Variants in GUCD1 observed in about 807,000 individuals in gnomAD.
GUCD1 encodes the protein protein GUCD1.
Under a neutral mutation model 28.3 loss-of-function variants are expected in GUCD1, and 17 were observed. The ratio of observed to expected loss-of-function variants is 0.60; its 90% CI spans 0.41 to 0.90. The LOEUF is 0.90. GUCD1 is among the 40% of genes least tolerant of loss of function. The pLI is 0.00. For missense variants in GUCD1, 279 were observed against 305.5 expected (o/e 0.91, Z 0.65); for synonymous variants, 129 against 123.3 (o/e 1.05, Z -0.30).
chr22:24,551,919 C>T (rs1262072572), intron 1 of GUCD1, among the ~76,000 whole-genome samples: 1 of 152,226 alleles, frequency 6.6e-6, no homozygotes, highest in Non-Finnish European at 1.5e-5. Context: ...AGAAGTGTGG[C>T]CTTTTGTGAA....
At position 24,546,895 on chromosome 22, in the gene GUCD1, G is replaced by A. The variant is rs368114821; in HGVS notation, c.386+19C>T. 5 of 1,608,350 alleles carry A rather than the reference G, an allele frequency of 3.1e-6. No homozygotes were observed. The African/African-American group carries it at 5.3e-5, about 17-fold the overall frequency. On this transcript the variant is annotated intron_variant, in intron 4 of 5. Coordinates refer to ENST00000435822, the MANE Select transcript of GUCD1 (RefSeq NM_001284254.2). ...GCAGGCATGAGAGGAAGGGCAGGTA[G>A]GAAAGTTGGGGGGCTCACCATTTCT...
chr22:24,544,743 G>A (rs2044681869), intron 4 of GUCD1, among the ~76,000 whole-genome samples: 1 of 152,198 alleles, frequency 6.6e-6, no homozygotes, highest in Admixed American at 6.5e-5. Flanking sequence ...TGGGCACAGT[G>A]GCTCACACCT....
Position 24,548,075 on chromosome 22 carries a change from T to G in GUCD1, c.129-2A>C. 6.2e-7 allele frequency: 1 copy of G among 1,613,364 alleles called. No individual in the cohort carries two copies. The highest frequency in any genetic ancestry group is 8.5e-7 in the Non-Finnish European group (1 of 1,179,616). ...CTGTCGTCCAGCTGGCCCAGGTACC[T>G]GCAGGTAGACGAGCTGGGGAGCTCA... On this transcript the variant is annotated splice_acceptor_variant, in intron 2 of 5. Coordinates refer to ENST00000435822, the MANE Select transcript of GUCD1 (RefSeq NM_001284254.2). LOFTEE classifies it high-confidence loss of function.
At chr22:24,548,727 G>C (rs926981966) in intron 2 of GUCD1, among the ~76,000 whole-genome samples, 190 bp downstream of exon 2, 1 of 152,214 alleles carries the variant, frequency 6.6e-6, no homozygotes, top group African/African-American at 2.4e-5. Context: ...CTATCATGGA[G>C]AGCTGGAAGG....
At chr22:24,552,869 A>G (rs967820959) in intron 1 of GUCD1, among the ~76,000 whole-genome samples, 2 of 152,082 alleles carry the variant, frequency 1.3e-5, no homozygotes, top group African/African-American at 4.8e-5. Context: ...GTGTGACCAG[A>G]GCTCACTGCA....
chr22:24,549,112 G>C, intron 1 of GUCD1, 111 bp from the exon 2 acceptor site: 1 of 679,112 alleles, frequency 1.5e-6, no homozygotes, highest in African/African-American at 1.8e-5. Context: ...GGGCTGCTCA[G>C]GGACCTTCCC....
chr22:24,554,872 A>G lies in GUCD1; in HGVS notation c.43+77T>C. 4 of 1,219,472 alleles carry G rather than the reference A, an allele frequency of 3.3e-6. 1 individual carries two copies. In the South Asian group the frequency reaches 5.0e-5, roughly 15 times the overall value. The allele number at this position is 1,219,472 out of a possible 1,614,324, so 75.5% of individuals were successfully genotyped here. A position where few individuals can be genotyped will look rare whatever the true frequency, so the allele number is the denominator to read the frequency against. On this transcript the variant is annotated intron_variant, in intron 1 of 5. Coordinates refer to ENST00000435822, the MANE Select transcript of GUCD1 (RefSeq NM_001284254.2). ...GCGGGAGTCGGCCCAAGGTCGCGCG[A>G]CTGGACCCTGCCCCGCGCTAGGGAG...
At chr22:24,554,155 G>A (rs1337220930) in intron 1 of GUCD1, among the ~76,000 whole-genome samples, 2 of 152,246 alleles carry the variant, frequency 1.3e-5, no homozygotes, top group Admixed American at 1.3e-4. Flanking sequence ...ACTGCACGCA[G>A]CGCGCGCCTG....
At chr22:24,548,779 C>T (rs2044794292) in intron 2 of GUCD1, 138 bp downstream of exon 2, 1 of 626,334 alleles carries the variant, frequency 1.6e-6, no homozygotes, top group Non-Finnish European at 2.8e-6. Context: ...GGGACTAGGA[C>T]CAGGTAGAAG....
intron 4 of GUCD1, among the ~76,000 whole-genome samples, chr22:24,546,285 C>T (rs903509437): frequency 6.6e-5 from 10 of 152,164 alleles, no homozygotes; most frequent in Non-Finnish European, 1.2e-4. Flanking sequence ...TTCTAAATCA[C>T]CTATCATGTG....
chr22:24,547,777 TG>T, intron 3 of GUCD1, 130 bp downstream of exon 3: 2 of 910,964 alleles, frequency 2.2e-6, no homozygotes, highest in Non-Finnish European at 3.3e-6. Flanking sequence ...TGCTGCTCCC[TG>T]GTCTCTGCAC....
intron 4 of GUCD1, among the ~76,000 whole-genome samples, chr22:24,546,236 C>T (rs1303246704): frequency 1.3e-5 from 2 of 152,244 alleles, no homozygotes; most frequent in African/African-American, 2.4e-5. Context: ...GCTGGGATTA[C>T]AGGCGTGAGC....
chr22:24,555,078 G>A lies in GUCD1; in HGVS notation c.-87C>T, dbSNP rs535696610. The A allele has an allele frequency of 2.3e-6, 3 of 1,331,324 alleles. No individual in the cohort carries two copies. In the Admixed American group the frequency reaches 1.2e-4, roughly 53 times the overall value. 82.5% of individuals were successfully genotyped at this position (1,331,324 alleles called of 1,614,324 possible). A position where few individuals can be genotyped will look rare whatever the true frequency, so the allele number is the denominator to read the frequency against. On this transcript the variant is annotated 5_prime_UTR_variant, in exon 1 of 6. It adds an upstream start codon to the 5' untranslated region. Transcript: ENST00000435822. Reference sequence around the variant, plus strand: ...GCTGGGGCGGGAGGGCGGTCGGTGCGTGTCGAGTTCCTTCTCCGCCACCGC... The same window carrying A: ...GCTGGGGCGGGAGGGCGGTCGGTGCATGTCGAGTTCCTTCTCCGCCACCGC...
chr22:24,547,911 G>T lies in GUCD1; in HGVS notation c.291C>A (p.Asn97Lys). 6.2e-7 allele frequency: 1 copy of T among 1,614,070 alleles called. No individual in the cohort carries two copies. The highest frequency in any genetic ancestry group is 8.5e-7 in the Non-Finnish European group (1 of 1,179,960). ...GGCCTGGTGGCTGGTCGCTCACCTGGTTCTTGTAGCCCTTGTCGACACCCA... is the reference window on the plus strand; with the variant it reads ...GGCCTGGTGGCTGGTCGCTCACCTGTTTCTTGTAGCCCTTGTCGACACCCA... ...QTLGVDKGYK[N>K]QSFYRKHFDT... The change falls in exon 3 of 6, where the codon AAC becomes AAA. Residue 97 changes from asparagine to lysine, a missense_variant. By Grantham distance (94) the Asn-to-Lys change is moderately conservative (BLOSUM62 0). Coordinates refer to ENST00000435822, the MANE Select transcript of GUCD1 (RefSeq NM_001284254.2).
At chr22:24,550,135 T>C (rs1233031958) in intron 1 of GUCD1, among the ~76,000 whole-genome samples, 1 of 152,244 alleles carries the variant, frequency 6.6e-6, no homozygotes, top group South Asian at 2.1e-4. Context: ...TGGCTGGCTG[T>C]GGGCTGGGCA....
chr22:24,551,068 T>A (rs1004314171), intron 1 of GUCD1, among the ~76,000 whole-genome samples: 16 of 152,232 alleles, frequency 1.1e-4, no homozygotes, highest in Non-Finnish European at 1.9e-4. Flanking sequence ...CTGGCCTCTC[T>A]GTGCCTGCTT....
At chr22:24,551,008 T>A (rs1241883255) in intron 1 of GUCD1, among the ~76,000 whole-genome samples, 5 of 152,190 alleles carry the variant, frequency 3.3e-5, no homozygotes, top group Admixed American at 3.3e-4. Context: ...GCAGGGCCCA[T>A]GGAAGGCACA....
At chr22:24,543,350 G>C (rs922939471) in intron 5 of GUCD1, among the ~76,000 whole-genome samples, 5 of 152,208 alleles carry the variant, frequency 3.3e-5, no homozygotes, top group Admixed American at 3.3e-4. Flanking sequence ...AGGCCACATA[G>C]ACGGGGTAAG....
upstream of GUCD1, chr22:24,555,879 C>T: frequency 6.6e-7 from 1 of 1,519,256 alleles, no homozygotes; most frequent in Admixed American, 2.0e-5. Flanking sequence ...GTTTCCCAGC[C>T]GGCAGGCGGA....
Sources: allele counts gnomAD v4.1 joint callset (sites outside exome capture counted in the v4.1 genomes callset), GRCh38; gene constraint gnomAD v4.1.1; transcripts MANE v1.5; gene names NCBI Gene and HGNC (gene_info 2026-07-23, HGNC 2026-07-21).